Variants in MYO1E observed in about 807,000 individuals in gnomAD.
MYO1E encodes the protein myosin IE, also known as unconventional myosin-Ie.
A neutral mutation model predicts 151.1 loss-of-function variants in MYO1E; 68 were observed. The observed-to-expected ratio is 0.45, with a 90% CI of 0.37 to 0.55. The LOEUF is 0.55. Among genes scored for constraint, MYO1E ranks in the 20% least tolerant of loss-of-function variants. MYO1E has a pLI of 0.00. For missense variants in MYO1E, 1,363 were observed against 1,389.3 expected (o/e 0.98, Z 0.30); for synonymous variants, 601 against 501.7 (o/e 1.20, Z -2.64).
chr15:59,196,328 T>C (rs1187394506), intron 16 of MYO1E, among the ~76,000 whole-genome samples: 2 of 152,124 alleles, frequency 1.3e-5, no homozygotes, highest in African/African-American at 4.8e-5. Flanking sequence ...TGAAATTGCT[T>C]ATGAAGTATT....
At chr15:59,319,825 C>T (rs577327568) in intron 1 of MYO1E, among the ~76,000 whole-genome samples, 3 of 152,122 alleles carry the variant, frequency 2.0e-5, no homozygotes, top group East Asian at 3.9e-4. Flanking sequence ...ATCACTTGAA[C>T]ACAGAGGCAG....
intron 16 of MYO1E, among the ~76,000 whole-genome samples, chr15:59,197,206 T>C (rs2079772704): frequency 6.6e-6 from 1 of 152,116 alleles, no homozygotes; most frequent in Admixed American, 6.5e-5. Context: ...TTGGTCAGGC[T>C]GGTCTCGAGC....
chr15:59,317,467 A>T (rs2080596361), intron 1 of MYO1E, among the ~76,000 whole-genome samples: 1 of 152,192 alleles, frequency 6.6e-6, no homozygotes, highest in Admixed American at 6.5e-5. Flanking sequence ...AGAGAAAGTG[A>T]TTTGGGAAGA....
intron 1 of MYO1E, among the ~76,000 whole-genome samples, chr15:59,362,702 C>T (rs2080892161): frequency 1.3e-5 from 2 of 152,144 alleles, no homozygotes; most frequent in South Asian, 4.1e-4. Context: ...AAAAACAGCC[C>T]TATTATTTTT....
rs1473380175 is a variant in MYO1E, at chr15:59,372,289, G to A, written c.3+209C>T. Among the ~76,000 whole-genome samples, 5 of 152,282 alleles carry A rather than the reference G, an allele frequency of 3.3e-5. No homozygotes were observed. The East Asian group carries it at 5.8e-4, about 18-fold the overall frequency. On this transcript the variant is annotated intron_variant, in intron 1 of 27. Coordinates refer to ENST00000288235, the MANE Select transcript of MYO1E (RefSeq NM_004998.4). ...GTTTCGCGACGCAGAAACCGACTTG[G>A]AATAAAGTTTTCCTTGGCCCCTCGC...
rs780853218 is a variant in MYO1E at position 59,372,643 on chromosome 15, A to C, written c.-143T>G. ...GACACCCAAGCACTCACAGGAGCCA[A>C]TGGGAACCCAGAGGGGACTCCATCC... is the stretch of plus-strand genomic sequence containing the variant. On this transcript the variant is annotated 5_prime_UTR_variant, in exon 1 of 28. Coordinates refer to ENST00000288235, the MANE Select transcript of MYO1E (RefSeq NM_004998.4). 3.4e-4 allele frequency: 360 copies of C among 1,065,734 alleles called. No individual in the cohort carries two copies. The highest frequency in any genetic ancestry group is 4.5e-4 in the Non-Finnish European group (337 of 747,326). 66.0% of individuals were successfully genotyped at this position (1,065,734 alleles called of 1,614,324 possible).
chr15:59,151,300 C>T (rs960029979), intron 26 of MYO1E, among the ~76,000 whole-genome samples: 33 of 151,784 alleles, frequency 2.2e-4, no homozygotes, highest in African/African-American at 6.5e-4. Flanking sequence ...TGTGGTGGCA[C>T]GCACCTGTAG....
At chr15:59,209,617 A>G (rs1199347657) in intron 13 of MYO1E, among the ~76,000 whole-genome samples, 1 of 152,000 alleles carries the variant, frequency 6.6e-6, no homozygotes, top group African/African-American at 2.4e-5. Flanking sequence ...TGGAGGTTAC[A>G]GTGAGCCAAG....
chr15:59,193,972 C>A (rs796999741), intron 17 of MYO1E, among the ~76,000 whole-genome samples: 1 of 152,084 alleles, frequency 6.6e-6, no homozygotes, highest in Non-Finnish European at 1.5e-5. Flanking sequence ...GTCAGGAGTT[C>A]AAAACCAGCC....
intron 1 of MYO1E, among the ~76,000 whole-genome samples, chr15:59,357,788 A>G (rs1449790080): frequency 6.6e-6 from 1 of 152,136 alleles, no homozygotes; most frequent in Admixed American, 6.5e-5. Flanking sequence ...AAGAAGGCAG[A>G]GTTAAGGCTG....
intron 14 of MYO1E, chr15:59,207,617 A>C: frequency 6.2e-7 from 1 of 1,614,172 alleles, no homozygotes; most frequent in Non-Finnish European, 8.5e-7. Context: ...ATTGGACAAA[A>C]GCTTGGTATC....
chr15:59,206,379 G>T (rs1204870576), intron 14 of MYO1E, among the ~76,000 whole-genome samples: 2 of 152,174 alleles, frequency 1.3e-5, no homozygotes, highest in African/African-American at 4.8e-5. Flanking sequence ...AGCCCCAGCC[G>T]ACTGTCCCAG....
intron 26 of MYO1E, among the ~76,000 whole-genome samples, chr15:59,146,397 C>G (rs926832303): frequency 7.9e-5 from 12 of 152,274 alleles, no homozygotes; most frequent in African/African-American, 2.9e-4. Flanking sequence ...CTCGCTGCAG[C>G]CTCCGCCTCC....
chr15:59,147,621 CA>C (rs1227916351), intron 26 of MYO1E, among the ~76,000 whole-genome samples: 2 of 84,208 alleles, frequency 2.4e-5, no homozygotes, highest in Non-Finnish European at 5.4e-5. Flanking sequence ...AAAAACAATA[CA>C]AAAAAAAGAA....
Position 59,172,049 on chromosome 15 carries a change from G to T in MYO1E, c.2335-7C>A, listed in dbSNP as rs1566970034. On this transcript the variant is annotated splice_polypyrimidine_tract_variant and splice_region_variant and intron_variant, in intron 21 of 27. Coordinates refer to ENST00000288235, the MANE Select transcript of MYO1E (RefSeq NM_004998.4). ...GCAGGTCTCGCTTTACACCCTGTAA[G>T]GAGAGGAGCTTTAAGAAGCTGGACA... 6.2e-7 allele frequency: 1 copy of T among 1,613,694 alleles called. No homozygotes were observed. Among genetic ancestry groups the T allele is most frequent in the Non-Finnish European group, 8.5e-7 (1 of 1,180,000 alleles).
At chr15:59,207,447 G>T in intron 14 of MYO1E, 1 of 1,613,996 alleles carries the variant, frequency 6.2e-7, no homozygotes, top group Non-Finnish European at 8.5e-7. Flanking sequence ...TCAAGTTAAT[G>T]ATTTCCAGTA....
intron 7 of MYO1E, among the ~76,000 whole-genome samples, chr15:59,226,270 G>T (rs2079990834): frequency 6.6e-6 from 1 of 152,182 alleles, no homozygotes; most frequent in East Asian, 1.9e-4. Context: ...TGCCTAAGAT[G>T]TGTGTGTAAT....
At chr15:59,179,466 C>G (rs1264036737) in intron 18 of MYO1E, among the ~76,000 whole-genome samples, 2 of 152,172 alleles carry the variant, frequency 1.3e-5, no homozygotes, top group Admixed American at 6.5e-5. Flanking sequence ...GCCTGGCACA[C>G]AGCAGTCATA....
Position 59,368,759 on chromosome 15 carries a change from T to C in MYO1E, c.3+3739A>G, listed in dbSNP as rs528153710. Among the ~76,000 whole-genome samples the C allele has an allele frequency of 2.6e-5, 4 of 152,126 alleles. No individual in the cohort carries two copies. The South Asian group carries it at 6.2e-4, about 24-fold the overall frequency. ...AGACTCCAACTCAAAAAAAAAAAGT[T>C]TGCAACCACTGACAAGACTGTAGTC... On this transcript the variant is annotated intron_variant, in intron 1 of 27. Transcript: ENST00000288235.
Sources: allele counts gnomAD v4.1 joint callset (sites outside exome capture counted in the v4.1 genomes callset), GRCh38; gene constraint gnomAD v4.1.1; transcripts MANE v1.5; gene names NCBI Gene and HGNC (gene_info 2026-07-23, HGNC 2026-07-21).